PAK5: variants seen among roughly 807,000 people sequenced by gnomAD.
PAK5 encodes serine/threonine-protein kinase PAK 5.
PAK5 carries 16 observed loss-of-function variants against 65.9 expected under a neutral mutation model. That is an observed-to-expected ratio of 0.24 (90% confidence interval 0.16 to 0.37). The LOEUF (loss-of-function observed/expected upper bound fraction) is 0.37. Among genes scored for constraint, PAK5 ranks in the 10% least tolerant of loss-of-function variants. PAK5 has a pLI of 1.00. For missense variants in PAK5, 785 were observed against 903.9 expected, an observed-to-expected ratio of 0.87 and a Z score of 1.69; for synonymous variants, 371 against 354.9, an observed-to-expected ratio of 1.05 and a Z score of -0.51.
intron 2 of PAK5, among the ~76,000 whole-genome samples, chr20:9,673,032 T>A (rs537175262): frequency 1.3e-5 from 2 of 152,306 alleles, no homozygotes; most frequent in Non-Finnish European, 2.9e-5. Context: ...TTCATCTTTA[T>A]GCAAAACAAT....
intron 1 of PAK5, among the ~76,000 whole-genome samples, chr20:9,732,976 G>A (rs1168977017): frequency 2.6e-5 from 4 of 152,144 alleles, no homozygotes; most frequent in Admixed American, 1.3e-4. Context: ...AATACTGTTG[G>A]AACTAGCTGA....
At chr20:9,631,592 T>A (rs547356419) in intron 3 of PAK5, among the ~76,000 whole-genome samples, 6 of 152,302 alleles carry the variant, frequency 3.9e-5, no homozygotes, top group Non-Finnish European at 8.8e-5. Context: ...AATTGCAGCC[T>A]TGTGAAACCT....
At chr20:9,686,667 G>C (rs2047723792) in intron 2 of PAK5, among the ~76,000 whole-genome samples, 1 of 152,144 alleles carries the variant, frequency 6.6e-6, no homozygotes, top group Non-Finnish European at 1.5e-5. Flanking sequence ...GTTGCTGCTA[G>C]TCCCTGGAGG....
At chr20:9,654,419 G>A (rs1189622731) in intron 2 of PAK5, among the ~76,000 whole-genome samples, 1 of 152,112 alleles carries the variant, frequency 6.6e-6, no homozygotes, top group Non-Finnish European at 1.5e-5. Flanking sequence ...AGATTTCAGG[G>A]ATGAGGATGA....
At position 9,629,095 on chromosome 20, in the gene PAK5, T is replaced by C. The variant is rs1011164706; in HGVS notation, c.204+15030A>G. 1.4e-4 allele frequency among the ~76,000 whole-genome samples: 21 copies of C among 152,270 alleles called. 1 individual carries two copies. Among genetic ancestry groups the C allele is most frequent in the Admixed American group, 1.2e-3 (18 of 15,292 alleles). On this transcript the variant is annotated intron_variant, in intron 3 of 9. Coordinates refer to ENST00000353224, the MANE Select transcript of PAK5 (RefSeq NM_177990.4). ...CTGTAAGGAAATGAATTTTGCGAAGTGGATTCTTGCCCTGTCAAGCCTCTG... is the reference window on the plus strand; with the variant it reads ...CTGTAAGGAAATGAATTTTGCGAAGCGGATTCTTGCCCTGTCAAGCCTCTG...
chr20:9,610,107 G>C (rs2046530929), intron 3 of PAK5, among the ~76,000 whole-genome samples: 2 of 152,052 alleles, frequency 1.3e-5, no homozygotes, highest in Admixed American at 6.6e-5. Flanking sequence ...GCAACCGCAA[G>C]GTCTTAAAGT....
chr20:9,777,644 C>T (rs1176833841), intron 1 of PAK5, among the ~76,000 whole-genome samples: 4 of 151,926 alleles, frequency 2.6e-5, no homozygotes, highest in African/African-American at 9.7e-5. Flanking sequence ...AATCAAGGAC[C>T]AATTAGAGTA....
chr20:9,652,993 G>A (rs1221675525), intron 2 of PAK5, among the ~76,000 whole-genome samples: 1 of 152,080 alleles, frequency 6.6e-6, no homozygotes, highest in Non-Finnish European at 1.5e-5. Flanking sequence ...ACATCCATCT[G>A]AACTGCACAC....
rs112395550 is a variant in PAK5, at chr20:9,761,231, T to C, written c.-161-49796A>G. On this transcript the variant is annotated intron_variant, in intron 1 of 9. Transcript: ENST00000353224. ...GGCCTGATGCTGTATTAACTGAATGTGCAATCCAAACACACAGAAGGACAT... is the reference window on the plus strand; with the variant it reads ...GGCCTGATGCTGTATTAACTGAATGCGCAATCCAAACACACAGAAGGACAT... Among the ~76,000 whole-genome samples, 613 of 152,246 alleles carry C rather than the reference T, an allele frequency of 4.0e-3. 2 individuals carry two copies. Among genetic ancestry groups the C allele is most frequent in the African/African-American group, 0.014 (580 of 41,556 alleles).
chr20:9,618,067 T>C (rs2046693559), intron 3 of PAK5, among the ~76,000 whole-genome samples: 1 of 151,968 alleles, frequency 6.6e-6, no homozygotes, highest in Non-Finnish European at 1.5e-5. Flanking sequence ...AATATTAGTA[T>C]AAGGAAAAAT....
chr20:9,593,853 C>T (rs1179054925), intron 3 of PAK5, among the ~76,000 whole-genome samples: 1 of 151,634 alleles, frequency 6.6e-6, no homozygotes, highest in Non-Finnish European at 1.5e-5. Flanking sequence ...TCTCCCCCTC[C>T]TTATCTAGGG....
intron 1 of PAK5, among the ~76,000 whole-genome samples, chr20:9,759,599 T>A (rs1285672439): frequency 1.3e-5 from 2 of 152,138 alleles, no homozygotes; most frequent in African/African-American, 2.4e-5. Flanking sequence ...AGGAAAGGGA[T>A]CCTCACTTTG....
chr20:9,800,363 T>A (rs1248343205), intron 1 of PAK5, among the ~76,000 whole-genome samples: 1 of 152,186 alleles, frequency 6.6e-6, no homozygotes, highest in African/African-American at 2.4e-5. Flanking sequence ...CACTTTTGTT[T>A]GTTAAACTTT....
At chr20:9,618,833 T>A (rs1015015979) in intron 3 of PAK5, among the ~76,000 whole-genome samples, 128 of 151,388 alleles carry the variant, frequency 8.5e-4, no homozygotes, top group Admixed American at 2.0e-4. Context: ...ACATATCATA[T>A]GTTTCAGGAC....
In PAK5 at chr20:9,541,621, G is replaced by C. The variant is rs929938130; in HGVS notation, c.2004+965C>G. Among the ~76,000 whole-genome samples, 5 of 152,042 alleles carry C rather than the reference G, an allele frequency of 3.3e-5. No homozygotes were observed. In the South Asian group the frequency reaches 8.3e-4, roughly 25 times the overall value. ...TTTCTCCAAGATCTTTGCATGGCTGGTACCTTCTTCCTATTCAGGTCCCAG... is the reference window on the plus strand; with the variant it reads ...TTTCTCCAAGATCTTTGCATGGCTGCTACCTTCTTCCTATTCAGGTCCCAG... On this transcript the variant is annotated intron_variant, in intron 9 of 9. Coordinates refer to ENST00000353224, the MANE Select transcript of PAK5 (RefSeq NM_177990.4).
chr20:9,802,906 A>ATG lies in PAK5; in HGVS notation c.-162+35854_-162+35855dup, dbSNP rs1193259748. 7.2e-3 allele frequency among the ~76,000 whole-genome samples: 666 copies of ATG among 92,954 alleles called. 24 individuals are homozygous for ATG. The highest frequency in any genetic ancestry group is 0.011 in the Non-Finnish European group (518 of 49,002). 61.0% of individuals were successfully genotyped at this position (92,954 alleles called of 152,430 possible). On this transcript the variant is annotated intron_variant, in intron 1 of 9. Coordinates refer to ENST00000353224, the MANE Select transcript of PAK5 (RefSeq NM_177990.4). Reference sequence around the variant, plus strand: ...TTCCCTTCTGTACTATTGTATATGTATGTGTATATATATATATATATATAT... The same window carrying ATG: ...TTCCCTTCTGTACTATTGTATATGTATGTGTGTATATATATATATATATATAT...
chr20:9,780,772 C>T (rs1175795836), intron 1 of PAK5, among the ~76,000 whole-genome samples: 1 of 152,034 alleles, frequency 6.6e-6, no homozygotes, highest in Non-Finnish European at 1.5e-5. Context: ...ATGGTATAAC[C>T]ATTTGAATGT....
chr20:9,658,839 C>T (rs765686903), intron 2 of PAK5, among the ~76,000 whole-genome samples: 1 of 152,140 alleles, frequency 6.6e-6, no homozygotes, highest in African/African-American at 2.4e-5. Context: ...TTGGCTCTCA[C>T]AAGCTCATGT....
chr20:9,580,276 T>G lies in PAK5; in HGVS notation c.859A>C (p.Arg287=). Reference sequence around the variant, plus strand: ...GGTTCCTGGAGTCCCGAGCCTGACCTGGACCTCTGCCGCATGGTGGGCTGA... The same window carrying G: ...GGTTCCTGGAGTCCCGAGCCTGACCGGGACCTCTGCCGCATGGTGGGCTGA... The part of the protein sequence containing the change: ...SPQPTMRQRS[R]SGSGLQEPMM... Residue 287 remains arginine (R), a synonymous_variant, in exon 4 of 10, where the codon AGG becomes CGG. Transcript: ENST00000353224. 1 of 1,614,152 alleles carries G rather than the reference T, an allele frequency of 6.2e-7. No individual in the cohort carries two copies. Among genetic ancestry groups the G allele is most frequent in the African/African-American group, 1.3e-5 (1 of 75,022 alleles).
Sources: allele counts gnomAD v4.1 joint callset (sites outside exome capture counted in the v4.1 genomes callset), GRCh38; gene constraint gnomAD v4.1.1; transcripts MANE v1.5; gene names NCBI Gene and HGNC (gene_info 2026-07-23, HGNC 2026-07-21).